Variants in ARHGAP10 observed in about 807,000 individuals in gnomAD.
ARHGAP10 encodes rho GTPase-activating protein 10.
A neutral mutation model predicts 108.6 loss-of-function variants in ARHGAP10; 87 were observed. The ratio of observed to expected loss-of-function variants is 0.80; its 90% CI spans 0.67 to 0.96. The LOEUF is 0.96. ARHGAP10 is among the 40% of genes least tolerant of loss of function. The probability of loss-of-function intolerance (pLI) is 0.00; values close to 1 mark genes in which losing one functional copy is unlikely to be tolerated. For missense variants in ARHGAP10, 939 were observed against 954.5 expected, an observed-to-expected ratio of 0.98 and a Z score of 0.21; for synonymous variants, 347 against 341.1, an observed-to-expected ratio of 1.02 and a Z score of -0.19.
At position 147,939,844 on chromosome 4, in the gene ARHGAP10, G is replaced by A. The variant is rs201010197; in HGVS notation, c.1248G>A (p.Leu416=). 350 of 1,614,020 alleles carry A rather than the reference G, an allele frequency of 2.2e-4. 1 individual carries two copies. The Middle Eastern group carries it at 5.8e-3, about 27-fold the overall frequency. The change falls in exon 14 of 23, where the codon TTG becomes TTA. Residue 416 remains leucine, a synonymous_variant. Coordinates refer to ENST00000336498, the MANE Select transcript of ARHGAP10 (RefSeq NM_024605.4). The stretch of plus-strand genomic sequence containing the variant: ...CCATAGGTATAAATGACCAAGGATT[G>A]TACAGAGTTGTGGGGGTGAGTTCAA... The part of the protein sequence containing the change: ...VETRGINDQG[L]YRVVGVSSKV...
chr4:147,860,499 A>G (rs868165063), intron 5 of ARHGAP10, among the ~76,000 whole-genome samples: 1 of 152,200 alleles, frequency 6.6e-6, no homozygotes, highest in Admixed American at 6.5e-5. Context: ...GGCATATACC[A>G]TGCTGGCTAT....
chr4:147,926,343 T>C (rs1342777222), intron 13 of ARHGAP10, among the ~76,000 whole-genome samples: 3 of 151,970 alleles, frequency 2.0e-5, no homozygotes, highest in Non-Finnish European at 4.4e-5. Flanking sequence ...AACTAGAATA[T>C]TTGCAGTGGA....
intron 13 of ARHGAP10, among the ~76,000 whole-genome samples, chr4:147,935,520 A>G (rs1449176169): frequency 1.3e-5 from 2 of 152,240 alleles, no homozygotes; most frequent in Non-Finnish European, 2.9e-5. Flanking sequence ...GAAGAAGTCA[A>G]AGATTTCAAA....
At chr4:148,016,610 T>C (rs190804031) in intron 18 of ARHGAP10, among the ~76,000 whole-genome samples, 1 of 152,284 alleles carries the variant, frequency 6.6e-6, no homozygotes, top group Non-Finnish European at 1.5e-5. Flanking sequence ...TGTGGGGGTT[T>C]TTCCTACACA....
At chr4:147,823,229 C>T (rs1387679300) in intron 3 of ARHGAP10, among the ~76,000 whole-genome samples, 2 of 152,182 alleles carry the variant, frequency 1.3e-5, no homozygotes, top group Non-Finnish European at 2.9e-5. Flanking sequence ...TGCTTTCTAG[C>T]TTTTTGTTGC....
At position 147,777,074 on chromosome 4, in the gene ARHGAP10, T is replaced by C. The variant is rs144414765; in HGVS notation, c.154+44619T>C. On this transcript the variant is annotated intron_variant, in intron 1 of 22. Coordinates refer to ENST00000336498, the MANE Select transcript of ARHGAP10 (RefSeq NM_024605.4). ...AAATAACTGCTATGCTGATAGCTGT[T>C]ACAGTCAGTTTTCTTCTTGGACATA... 4.7e-3 allele frequency among the ~76,000 whole-genome samples: 716 copies of C among 152,328 alleles called. 8 individuals carry two copies. The highest frequency in any genetic ancestry group is 0.016 in the African/African-American group (669 of 41,570).
In ARHGAP10 at chr4:147,994,948, G is replaced by A. The variant is rs113485263; in HGVS notation, c.1716+28109G>A. On this transcript the variant is annotated intron_variant, in intron 18 of 22. Coordinates refer to ENST00000336498, the MANE Select transcript of ARHGAP10 (RefSeq NM_024605.4). ...AAGCTGTACTTATTGATGGGTCGACGTGGAAAGGTCCTCTGAGTGAGAATT... is the reference window on the plus strand; with the variant it reads ...AAGCTGTACTTATTGATGGGTCGACATGGAAAGGTCCTCTGAGTGAGAATT... Among the ~76,000 whole-genome samples the A allele has an allele frequency of 7.9e-5, 12 of 152,322 alleles. 2 individuals are homozygous for A. The highest frequency in any genetic ancestry group is 3.9e-4 in the East Asian group (2 of 5,178).
At chr4:148,044,695 G>A (rs555633552) in intron 19 of ARHGAP10, among the ~76,000 whole-genome samples, 1 of 152,276 alleles carries the variant, frequency 6.6e-6, no homozygotes, top group South Asian at 2.1e-4. Flanking sequence ...GGGAAAGCTG[G>A]AGGCCAGCCC....
intron 10 of ARHGAP10, among the ~76,000 whole-genome samples, chr4:147,892,922 C>A (rs1735842594): frequency 6.6e-6 from 1 of 152,184 alleles, no homozygotes; most frequent in African/African-American, 2.4e-5. Flanking sequence ...GCTGAACACC[C>A]TCCAGGGCAC....
intron 18 of ARHGAP10, among the ~76,000 whole-genome samples, chr4:147,980,992 T>C (rs1560857377): frequency 6.6e-6 from 1 of 152,208 alleles, no homozygotes; most frequent in Non-Finnish European, 1.5e-5. Context: ...CTATCAATCT[T>C]GTTTATCCTT....
chr4:147,808,146 A>G (rs1040657295), intron 1 of ARHGAP10, among the ~76,000 whole-genome samples: 32 of 152,200 alleles, frequency 2.1e-4, no homozygotes, highest in African/African-American at 7.2e-4. Flanking sequence ...CATCTACTTT[A>G]TATACAACTA....
At chr4:147,769,260 C>T (rs897351938) in intron 1 of ARHGAP10, among the ~76,000 whole-genome samples, 4 of 151,962 alleles carry the variant, frequency 2.6e-5, no homozygotes, top group African/African-American at 9.7e-5. Context: ...CATCATGATC[C>T]TAATTACCAC....
At chr4:148,002,189 G>C (rs1740748836) in intron 18 of ARHGAP10, among the ~76,000 whole-genome samples, 1 of 152,130 alleles carries the variant, frequency 6.6e-6, no homozygotes, top group South Asian at 2.1e-4. Context: ...TTTTGTCTTT[G>C]GTTCTGTTTA....
intron 19 of ARHGAP10, among the ~76,000 whole-genome samples, chr4:148,028,598 G>A (rs983613568): frequency 6.6e-6 from 1 of 152,182 alleles, no homozygotes; most frequent in Non-Finnish European, 1.5e-5. Flanking sequence ...AGGTGCTTTA[G>A]GTTTAAAATG....
At chr4:147,912,578 TATATATATATATATATATATAA>T (rs1560823041) in intron 12 of ARHGAP10, among the ~76,000 whole-genome samples, 3 of 122,860 alleles carry the variant, frequency 2.4e-5, no homozygotes, top group African/African-American at 1.0e-4. Flanking sequence ...TATATATATA[TATATATATATATATATATATAA>T]AATTCCTGTG....
At chr4:147,906,746 A>G (rs748691472) in intron 11 of ARHGAP10, 27 bp downstream of exon 11, 1 of 1,612,324 alleles carries the variant, frequency 6.2e-7, no homozygotes, top group Non-Finnish European at 8.5e-7. Flanking sequence ...GTTGAGTTTT[A>G]TTTCAAAGCC....
intron 3 of ARHGAP10, among the ~76,000 whole-genome samples, chr4:147,844,089 G>A (rs1414130021): frequency 6.6e-6 from 1 of 152,076 alleles, no homozygotes; most frequent in Non-Finnish European, 1.5e-5. Flanking sequence ...TCAGCATCTG[G>A]GATTTAACAT....
intron 1 of ARHGAP10, among the ~76,000 whole-genome samples, chr4:147,780,784 G>A (rs1730498397): frequency 6.6e-6 from 1 of 152,142 alleles, no homozygotes; most frequent in Non-Finnish European, 1.5e-5. Flanking sequence ...CAGAACTTGA[G>A]ACACAGCAGG....
chr4:147,883,255 C>T (rs1034756436), intron 10 of ARHGAP10, among the ~76,000 whole-genome samples: 2 of 152,196 alleles, frequency 1.3e-5, no homozygotes, highest in African/African-American at 4.8e-5. Context: ...GAGGTTGGGT[C>T]TTGCTATGTT....
Sources: gnomAD v4.1 joint callset for allele counts (sites outside exome capture counted in the v4.1 genomes callset) on GRCh38, gnomAD v4.1.1 for gene constraint, MANE v1.5 for transcripts, NCBI Gene and HGNC (gene_info 2026-07-23, HGNC 2026-07-21) for gene names.